The following LARP1B variants were observed in gnomAD, a reference collection of about 807,000 sequenced individuals.
LARP1B encodes La ribonucleoprotein 1B.
In LARP1B, 76 loss-of-function variants were observed where a neutral mutation model predicts 114.2. The ratio of observed to expected loss-of-function variants is 0.67; its 90% confidence interval spans 0.55 to 0.81. The LOEUF (loss-of-function observed/expected upper bound fraction) is 0.81, where lower values mean the gene tolerates loss of function less well. LARP1B is among the 30% of genes least tolerant of loss of function. The pLI, the probability that LARP1B is intolerant of heterozygous loss-of-function variation, is 0.00. For synonymous variants in LARP1B, 345 were observed against 348.0 expected (o/e 0.99, Z 0.10); for missense variants, 1,014 against 1,075.8 (o/e 0.94, Z 0.80).
chr4:128,083,569 G>A (rs1771621673), intron 5 of LARP1B, among the ~76,000 whole-genome samples: 1 of 147,520 alleles, frequency 6.8e-6, no homozygotes, highest in African/African-American at 2.5e-5. Flanking sequence ...TGGCGGGCAG[G>A]GGGCTGACCC....
intron 11 of LARP1B, among the ~76,000 whole-genome samples, chr4:128,146,178 T>G (rs1730266921): frequency 6.6e-6 from 1 of 152,254 alleles, no homozygotes; most frequent in Non-Finnish European, 1.5e-5. Flanking sequence ...GAGAAACTTT[T>G]GAATGTGTGG....
At chr4:128,172,264 A>G (rs1211333382) in intron 12 of LARP1B, among the ~76,000 whole-genome samples, 2 of 151,816 alleles carry the variant, frequency 1.3e-5, no homozygotes, top group Non-Finnish European at 2.9e-5. Flanking sequence ...TAAGCACCTT[A>G]ATTACGATTG....
At chr4:128,095,524 C>G (rs1234304254) in intron 7 of LARP1B, among the ~76,000 whole-genome samples, 1 of 146,954 alleles carries the variant, frequency 6.8e-6, no homozygotes. Flanking sequence ...AAATGATTTA[C>G]TAGTGTTACT....
chr4:128,094,055 CTTT>C (rs1013631916), intron 7 of LARP1B, among the ~76,000 whole-genome samples: 12 of 149,776 alleles, frequency 8.0e-5, no homozygotes, highest in African/African-American at 2.5e-4. Flanking sequence ...TTGCAGTCTA[CTTT>C]TTTTTAACTT....
chr4:128,065,253 ATTTCTTTCTTTC>A (rs199707342), intron 1 of LARP1B, among the ~76,000 whole-genome samples: 1,550 of 89,418 alleles, frequency 0.017, 40 homozygotes, highest in East Asian at 0.043. Flanking sequence ...CCCACAATTA[ATTTCTTTCTTTC>A]TTTCTTTCTT....
At chr4:128,061,860 C>T in intron 1 of LARP1B, 5 of 985,078 alleles carry the variant, frequency 5.1e-6, no homozygotes, top group Non-Finnish European at 4.8e-6. Context: ...GCCGCGGCCG[C>T]CACTAGCGCT....
At chr4:128,105,589 A>G (rs1005767915) in intron 8 of LARP1B, among the ~76,000 whole-genome samples, 1 of 152,122 alleles carries the variant, frequency 6.6e-6, no homozygotes, top group Non-Finnish European at 1.5e-5. Context: ...CCTAATTGTA[A>G]TTTAAAGGAA....
In LARP1B at chr4:128,065,255, TTCTTTC is replaced by T. The variant is rs1040072639; in HGVS notation, c.-78+3856_-78+3861del. Among the ~76,000 whole-genome samples the T allele has an allele frequency of 4.4e-3, 253 of 57,486 alleles. 5 individuals carry two copies. The highest frequency in any genetic ancestry group is 8.4e-3 in the African/African-American group (158 of 18,882). 37.7% of individuals were successfully genotyped at this position (57,486 alleles called of 152,430 possible). On this transcript the variant is annotated intron_variant, in intron 1 of 19. Coordinates refer to ENST00000326639, the MANE Select transcript of LARP1B (RefSeq NM_018078.4). ...TCTGCACTGTTCTCCCACAATTAAT[TTCTTTC>T]TTTCTTTCTTTCTTTCTTTCTTTCT...
chr4:128,062,788 T>C (rs1760773205), intron 1 of LARP1B, among the ~76,000 whole-genome samples: 1 of 136,856 alleles, frequency 7.3e-6, no homozygotes, highest in Non-Finnish European at 1.6e-5. Flanking sequence ...GGGGGAGGGA[T>C]AGCATTAGGA....
chr4:128,062,960 T>G (rs1028368064), intron 1 of LARP1B, among the ~76,000 whole-genome samples: 1 of 152,130 alleles, frequency 6.6e-6, no homozygotes, highest in Admixed American at 6.6e-5. Context: ...GGAAAATAAT[T>G]GAAATAGGAT....
rs890820946 is a variant in LARP1B, at chr4:128,061,866, G to A, written c.-78+465G>A. 11 of 985,108 alleles carry A rather than the reference G, an allele frequency of 1.1e-5. No individual in the cohort carries two copies. In the South Asian group the frequency reaches 3.8e-4, roughly 34 times the overall value. 61.0% of individuals were successfully genotyped at this position (985,108 alleles called of 1,614,324 possible). On this transcript the variant is annotated intron_variant, in intron 1 of 19. Coordinates refer to ENST00000326639, the MANE Select transcript of LARP1B (RefSeq NM_018078.4). Reference sequence around the variant, plus strand: ...GAGGAGAGGGCCGCGGCCGCCACTAGCGCTGGGGCGCGGGGAGAGCCGTCG... The same window carrying A: ...GAGGAGAGGGCCGCGGCCGCCACTAACGCTGGGGCGCGGGGAGAGCCGTCG...
At chr4:128,061,868 G>T (rs964186375) in intron 1 of LARP1B, 27 of 985,112 alleles carry the variant, frequency 2.7e-5, no homozygotes, top group Middle Eastern at 5.2e-4. Flanking sequence ...CGCCACTAGC[G>T]CTGGGGCGCG....
rs1465217698 is a variant in LARP1B, at chr4:128,211,163, AT to A, written c.*1113del. 2 of 913,300 alleles carry A rather than the reference AT, an allele frequency of 2.2e-6. No individual in the cohort carries two copies. The highest frequency in any genetic ancestry group is 2.6e-6 in the Non-Finnish European group (2 of 764,510). The allele number at this position is 913,300 out of a possible 1,614,324, so 56.6% of individuals were successfully genotyped here. On this transcript the variant is annotated 3_prime_UTR_variant, in exon 20 of 20. Coordinates refer to ENST00000326639, the MANE Select transcript of LARP1B (RefSeq NM_018078.4). Reference sequence around the variant, plus strand: ...TTTGAATTGATTTTTAATTATTTTTATTTAGAATATAGTTGAAAAGCTGTAA... The same window carrying A: ...TTTGAATTGATTTTTAATTATTTTTATTAGAATATAGTTGAAAAGCTGTAA...
chr4:128,096,045 G>A (rs1024509641), intron 7 of LARP1B, among the ~76,000 whole-genome samples: 21 of 145,728 alleles, frequency 1.4e-4, no homozygotes, highest in Non-Finnish European at 3.0e-5. Flanking sequence ...CCAGGCTGGA[G>A]TGCAGTGGCA....
rs1187633183 is a variant in LARP1B, at chr4:128,098,299, C to T, written c.782C>T (p.Ala261Val). Reference sequence around the variant, plus strand: ...ATTGCTGGTTTTCAGCGTGTTCAGGCTCTCACTACAAACCTTAATCTCATC... The same window carrying T: ...ATTGCTGGTTTTCAGCGTGTTCAGGTTCTCACTACAAACCTTAATCTCATC... ...SLIAGFQRVQ[A>V]LTTNLNLILE... Residue 261 changes from alanine to valine, a missense_variant, in exon 8 of 20, where the codon GCT becomes GTT. Physicochemically the swap from Ala to Val is moderately conservative, Grantham distance 64. Transcript: ENST00000326639. 1.2e-6 allele frequency: 2 copies of T among 1,613,784 alleles called. No homozygotes were observed. Among genetic ancestry groups the T allele is most frequent in the Non-Finnish European group, 1.7e-6 (2 of 1,179,784 alleles).
chr4:128,129,638 C>T (rs2150090273), intron 11 of LARP1B, among the ~76,000 whole-genome samples: 1 of 152,266 alleles, frequency 6.6e-6, no homozygotes, highest in South Asian at 2.1e-4. Context: ...TACTGTAAAG[C>T]TGCAGTAATG....
intron 11 of LARP1B, among the ~76,000 whole-genome samples, chr4:128,124,706 A>G (rs1202158334): frequency 6.6e-6 from 1 of 152,208 alleles, no homozygotes; most frequent in Admixed American, 6.5e-5. Context: ...CAGGCTGTCC[A>G]TATAGAAGAT....
At chr4:128,066,140 C>CTATTGTCTA (rs1386694269) in intron 1 of LARP1B, among the ~76,000 whole-genome samples, 3 of 114,606 alleles carry the variant, frequency 2.6e-5, no homozygotes, top group Non-Finnish European at 5.8e-5. Flanking sequence ...TGGCGGCTTT[C>CTATTGTCTA]TATTGTCTAT....
chr4:128,085,870 A>G (rs1414993915), intron 5 of LARP1B, among the ~76,000 whole-genome samples: 2 of 152,192 alleles, frequency 1.3e-5, no homozygotes, highest in East Asian at 1.9e-4. Context: ...GTAGCTGTAT[A>G]TTTAACATTA....
Sources: allele counts gnomAD v4.1 joint callset (sites outside exome capture counted in the v4.1 genomes callset), GRCh38; gene constraint gnomAD v4.1.1; transcripts MANE v1.5; gene names NCBI Gene and HGNC (gene_info 2026-07-23, HGNC 2026-07-21).